The following LAMP1 variants were observed in gnomAD, a reference collection of about 807,000 sequenced individuals.
LAMP1 encodes the protein lysosome associated membrane protein 1.
LAMP1 carries 7 observed loss-of-function variants against 37.5 expected under a neutral mutation model. That is an observed-to-expected ratio of 0.19 (90% CI 0.11 to 0.35). The LOEUF is 0.35. Among genes scored for constraint, LAMP1 ranks in the 10% least tolerant of loss-of-function variants. The pLI is 1.00. For missense variants in LAMP1, 537 were observed against 552.8 expected (o/e 0.97, Z 0.29); for synonymous variants, 236 against 229.1 (o/e 1.03, Z -0.27).
chr13:113,312,756 A>G (rs1004862117), intron 4 of LAMP1, among the ~76,000 whole-genome samples: 1 of 152,164 alleles, frequency 6.6e-6, no homozygotes, highest in Non-Finnish European at 1.5e-5. Flanking sequence ...GTCCTCTCAC[A>G]TGGGCCGCGT....
chr13:113,308,652 A>G (rs1320947616), intron 2 of LAMP1, among the ~76,000 whole-genome samples: 1 of 152,128 alleles, frequency 6.6e-6, no homozygotes, highest in East Asian at 1.9e-4. Flanking sequence ...TAATTTCTAC[A>G]TCACTTTTTT....
chr13:113,305,634 G>C (rs930018183), intron 1 of LAMP1: 4 of 152,206 alleles, frequency 2.6e-5, no homozygotes, highest in African/African-American at 4.8e-5. Flanking sequence ...TTCAGGATGG[G>C]GAAGGGAAGC....
chr13:113,306,343 G>A, intron 1 of LAMP1, 142 bp from the exon 2 acceptor site: 2 of 883,112 alleles, frequency 2.3e-6, no homozygotes, highest in South Asian at 1.7e-5. Context: ...GCGACAGTGA[G>A]ACTCCGTCTC....
intron 1 of LAMP1, among the ~76,000 whole-genome samples, chr13:113,300,767 G>A (rs2042566790): frequency 6.6e-6 from 1 of 152,290 alleles, no homozygotes; most frequent in Non-Finnish European, 1.5e-5. Context: ...GCAGTGAGCC[G>A]AGATCGTGCC....
chr13:113,310,687 A>ATTT, intron 3 of LAMP1, 22 bp from the exon 4 acceptor site: 2 of 1,274,240 alleles, frequency 1.6e-6, no homozygotes, highest in Non-Finnish European at 1.1e-6. Context: ...TGCAATTGTG[A>ATTT]TTTTTTTTTT....
Position 113,321,862 on chromosome 13 carries a change from G to A in LAMP1, c.1114+135G>A. ...TGCAAGGAGCTGTTTCTTCTTGCCGGTCTGAGATTCTAGAGGTAACTCCCC... is the reference window on the plus strand; with the variant it reads ...TGCAAGGAGCTGTTTCTTCTTGCCGATCTGAGATTCTAGAGGTAACTCCCC... On this transcript the variant is annotated intron_variant, in intron 8 of 8. Transcript: ENST00000332556. The surrounding 1 kb of genome is among the most constrained non-coding windows in gnomAD (Gnocchi z 5.6). The A allele has an allele frequency of 1.1e-6, 1 of 873,924 alleles. No homozygotes were observed. Among genetic ancestry groups the A allele is most frequent in the Non-Finnish European group, 1.7e-6 (1 of 576,500 alleles). The allele number at this position is 873,924 out of a possible 1,614,324, so 54.1% of individuals were successfully genotyped here.
At chr13:113,315,435 G>C (rs1159937701) in intron 4 of LAMP1, among the ~76,000 whole-genome samples, 1 of 144,288 alleles carries the variant, frequency 6.9e-6, no homozygotes, top group Non-Finnish European at 1.5e-5. Context: ...TGTTGCCCAG[G>C]CTGGAGTGCG....
At position 113,304,063 on chromosome 13, in the gene LAMP1, T is replaced by C. The variant is rs528155109; in HGVS notation, c.62-2422T>C. 1.2e-4 allele frequency among the ~76,000 whole-genome samples: 18 copies of C among 151,936 alleles called. No homozygotes were observed. In the South Asian group the frequency reaches 3.3e-3, roughly 28 times the overall value. ...CTGGGCAAGAGTGAGACTCAGTCTCTAAAAAATAAAAATAAAAAAGCTGAA... is the reference window on the plus strand; with the variant it reads ...CTGGGCAAGAGTGAGACTCAGTCTCCAAAAAATAAAAATAAAAAAGCTGAA... On this transcript the variant is annotated intron_variant, in intron 1 of 8. Coordinates refer to ENST00000332556, the MANE Select transcript of LAMP1 (RefSeq NM_005561.4).
At position 113,322,353 on chromosome 13, in the gene LAMP1, G is replaced by T. The variant is rs1457771319; in HGVS notation, c.1186G>T (p.Val396Phe). The change falls in exon 9 of 9, where the codon GTC (valine) becomes TTC (phenylalanine). Residue 396 changes from valine (V) to phenylalanine (F), a missense_variant. Coordinates refer to ENST00000332556, the MANE Select transcript of LAMP1 (RefSeq NM_005561.4). ...TGTGGGTGGTGCCCTGGCGGGGCTGGTCCTCATCGTCCTCATCGCCTACCT... is the reference window on the plus strand; with the variant it reads ...TGTGGGTGGTGCCCTGGCGGGGCTGTTCCTCATCGTCCTCATCGCCTACCT... ...IAVGGALAGL[V>F]LIVLIAYLVG... is the part of the protein sequence containing the mutation. 6.2e-7 allele frequency: 1 copy of T among 1,607,606 alleles called. No homozygotes were observed. Among genetic ancestry groups the T allele is most frequent in the Non-Finnish European group, 8.5e-7 (1 of 1,176,916 alleles).
In LAMP1 at chr13:113,320,068, C is replaced by T. The variant is rs959370469; in HGVS notation, c.751-277C>T. ...GGGTTGTGGGGGTCGACTTGCGTGC[C>T]GTGGGGTGAGTTTGCAGGGCTGACT... On this transcript the variant is annotated intron_variant, in intron 5 of 8. Coordinates refer to ENST00000332556, the MANE Select transcript of LAMP1 (RefSeq NM_005561.4). The surrounding 1 kb of genome is among the most constrained non-coding windows in gnomAD (Gnocchi z 4.4). Among the ~76,000 whole-genome samples the T allele has an allele frequency of 2.0e-5, 3 of 152,112 alleles. No individual in the cohort carries two copies. Among genetic ancestry groups the T allele is most frequent in the Non-Finnish European group, 4.4e-5 (3 of 68,024 alleles).
intron 2 of LAMP1, among the ~76,000 whole-genome samples, chr13:113,307,796 TAAA>T (rs56233302): frequency 7.8e-5 from 11 of 141,684 alleles, no homozygotes; most frequent in African/African-American, 2.9e-4. Flanking sequence ...ATCTCTTTTT[TAAA>T]AAAAAAAAAA....
Position 113,322,377 on chromosome 13 carries a change from C to CAG in LAMP1, c.1210_1211insAG (p.Leu404GlnfsTer69). The CAG allele has an allele frequency of 6.2e-7, 1 of 1,605,210 alleles. No individual in the cohort carries two copies. The highest frequency in any genetic ancestry group is 1.7e-5 in the Admixed American group (1 of 58,924). The stretch of plus-strand genomic sequence containing the variant: ...GGTCCTCATCGTCCTCATCGCCTAC[C>CAG]TCGTCGGCAGGAAGAGGAGTCACGC... On this transcript the variant is annotated frameshift_variant, in exon 9 of 9. Transcript: ENST00000332556. LOFTEE classifies it high-confidence loss of function.
Position 113,297,816 on chromosome 13 carries a change from G to C in LAMP1, c.61+321G>C, listed in dbSNP as rs1219997799. On this transcript the variant is annotated intron_variant, in intron 1 of 8. Coordinates refer to ENST00000332556, the MANE Select transcript of LAMP1 (RefSeq NM_005561.4). The surrounding 1 kb of genome is among the most constrained non-coding windows in gnomAD (Gnocchi z 4.4). ...CCGATGGCTTGCTCGGCGGTCTGGTGCTTTCAGGTCGTTAAGTTTCCTGGC... is the reference window on the plus strand; with the variant it reads ...CCGATGGCTTGCTCGGCGGTCTGGTCCTTTCAGGTCGTTAAGTTTCCTGGC... Among the ~76,000 whole-genome samples, 1 of 152,218 alleles carries C rather than the reference G, an allele frequency of 6.6e-6. No individual in the cohort carries two copies. Among genetic ancestry groups the C allele is most frequent in the Admixed American group, 6.5e-5 (1 of 15,282 alleles).
At chr13:113,314,834 G>A (rs2042651656) in intron 4 of LAMP1, among the ~76,000 whole-genome samples, 2 of 125,326 alleles carry the variant, frequency 1.6e-5, no homozygotes, top group Admixed American at 1.6e-4. Context: ...ATGTGCCTGG[G>A]GCGTGGCCTC....
At chr13:113,305,551 C>T (rs993570065) in intron 1 of LAMP1, 23 of 152,118 alleles carry the variant, frequency 1.5e-4, no homozygotes, top group African/African-American at 5.6e-4. Flanking sequence ...ATGAGTAAGT[C>T]AGAGAGGAAA....
chr13:113,306,542 C>T lies in LAMP1; in HGVS notation c.119C>T (p.Ala40Val), dbSNP rs776227318. 7 of 1,613,954 alleles carry T rather than the reference C, an allele frequency of 4.3e-6. No individual in the cohort carries two copies. The highest frequency in any genetic ancestry group is 3.3e-5 in the Admixed American group (2 of 59,994). The change falls in exon 2 of 9, where the codon GCG becomes GTG. Residue 40 changes from alanine (A) to valine (V), a missense_variant. Transcript: ENST00000332556. ...MFMVKNGNGTACIMANFSAAF... is the reference protein window; with the variant it reads ...MFMVKNGNGTVCIMANFSAAF... ...ATGGTGAAAAATGGCAACGGGACCG[C>T]GTGCATAATGGCCAACTTCTCTGCT... is the stretch of plus-strand genomic sequence containing the variant.
Position 113,320,530 on chromosome 13 carries a change from T to G in LAMP1, c.876+60T>G, listed in dbSNP as rs1206001734. 1 of 1,576,358 alleles carries G rather than the reference T, an allele frequency of 6.3e-7. No individual in the cohort carries two copies. Among genetic ancestry groups the G allele is most frequent in the Non-Finnish European group, 8.6e-7 (1 of 1,161,730 alleles). On this transcript the variant is annotated intron_variant, in intron 6 of 8. Coordinates refer to ENST00000332556, the MANE Select transcript of LAMP1 (RefSeq NM_005561.4). The surrounding 1 kb of genome is among the most constrained non-coding windows in gnomAD (Gnocchi z 4.4). ...ACTGTGTCTCCACCACATCTTTTTG[T>G]GCCCTGGGTCTGCTCATGGGAGGCA...
chr13:113,306,464 C>A, intron 1 of LAMP1, 21 bp from the exon 2 acceptor site: 1 of 1,610,968 alleles, frequency 6.2e-7, no homozygotes, highest in Non-Finnish European at 8.5e-7. Flanking sequence ...TGATGGTCTC[C>A]GTCTTCCCTG....
chr13:113,311,467 A>G (rs1444364767), intron 4 of LAMP1, among the ~76,000 whole-genome samples: 2 of 152,352 alleles, frequency 1.3e-5, no homozygotes, highest in South Asian at 4.1e-4. Context: ...ACTGGGGCAG[A>G]GATGATGGGA....
Sources: gnomAD v4.1 joint callset for allele counts (sites outside exome capture counted in the v4.1 genomes callset) on GRCh38, gnomAD v4.1.1 for gene constraint, Gnocchi (gnomAD v3.1) non-coding constraint, MANE v1.5 for transcripts, NCBI Gene and HGNC (gene_info 2026-07-23, HGNC 2026-07-21) for gene names.